IPO11: variants seen among roughly 807,000 people sequenced by gnomAD.
IPO11 encodes importin-11.
IPO11 carries 66 observed loss-of-function variants against 143.2 expected under a neutral mutation model. That is an observed-to-expected ratio of 0.46 (90% CI 0.38 to 0.57). IPO11 has a LOEUF of 0.57. Ranked by LOEUF, IPO11 falls within the 20% of genes least tolerant of loss-of-function variation. IPO11 has a pLI of 0.00. For synonymous variants in IPO11, 385 were observed against 377.8 expected, an observed-to-expected ratio of 1.02 and a Z score of -0.22; for missense variants, 1,026 against 1,141.0, an observed-to-expected ratio of 0.90 and a Z score of 1.45.
intron 24 of IPO11, among the ~76,000 whole-genome samples, chr5:62,550,078 T>A (rs1397610784): frequency 1.3e-5 from 2 of 152,196 alleles, no homozygotes; most frequent in Non-Finnish European, 2.9e-5. Flanking sequence ...AGGGTAAGAA[T>A]TACATTAACT....
At chr5:62,510,622 T>TA (rs1437208358) in intron 19 of IPO11, among the ~76,000 whole-genome samples, 1 of 152,210 alleles carries the variant, frequency 6.6e-6, no homozygotes, top group African/African-American at 2.4e-5. Context: ...CCCATATAGC[T>TA]AGCCTCCCAC....
chr5:62,521,483 T>C (rs1358635577), intron 20 of IPO11, among the ~76,000 whole-genome samples: 6 of 152,176 alleles, frequency 3.9e-5, no homozygotes, highest in African/African-American at 1.4e-4. Context: ...TCCTTCCCTT[T>C]TCTGGCAACT....
chr5:62,434,143 C>T (rs1287408631), intron 1 of IPO11, among the ~76,000 whole-genome samples: 2 of 152,226 alleles, frequency 1.3e-5, no homozygotes, highest in East Asian at 1.9e-4. Context: ...TGTTTCTAAT[C>T]GCAAGGCCTT....
At chr5:62,481,057 A>AG (rs1251215486) in intron 9 of IPO11, among the ~76,000 whole-genome samples, 1 of 151,546 alleles carries the variant, frequency 6.6e-6, no homozygotes, top group East Asian at 1.9e-4. Flanking sequence ...CTGGGACTAC[A>AG]GGCACCCGCC....
chr5:62,486,421 T>C (rs1746408211), intron 12 of IPO11, among the ~76,000 whole-genome samples: 1 of 152,218 alleles, frequency 6.6e-6, no homozygotes, highest in Non-Finnish European at 1.5e-5. Flanking sequence ...ATTTTTTCCT[T>C]CTATATATTT....
chr5:62,500,363 T>C (rs940099384), intron 16 of IPO11, among the ~76,000 whole-genome samples: 1 of 152,232 alleles, frequency 6.6e-6, no homozygotes, highest in Non-Finnish European at 1.5e-5. Flanking sequence ...CAGTTAACTT[T>C]TTTTTTAATT....
chr5:62,533,262 C>T (rs558499552), intron 22 of IPO11, among the ~76,000 whole-genome samples: 13 of 148,674 alleles, frequency 8.7e-5, no homozygotes, highest in African/African-American at 2.2e-4. Flanking sequence ...CCCAGGCTGG[C>T]GTGCAATGGT....
At chr5:62,507,816 A>G (rs1044450006) in intron 19 of IPO11, among the ~76,000 whole-genome samples, 1 of 152,208 alleles carries the variant, frequency 6.6e-6, no homozygotes, top group Non-Finnish European at 1.5e-5. Flanking sequence ...GGCTTAGTAA[A>G]TTTAAAAATG....
intron 20 of IPO11, among the ~76,000 whole-genome samples, chr5:62,516,205 C>G (rs1398169949): frequency 6.6e-6 from 1 of 152,148 alleles, no homozygotes; most frequent in Admixed American, 6.5e-5. Context: ...CTAAAGCTTT[C>G]TAAAATTAGT....
At chr5:62,502,257 G>T (rs1741370468) in intron 16 of IPO11, among the ~76,000 whole-genome samples, 1 of 152,098 alleles carries the variant, frequency 6.6e-6, no homozygotes, top group Non-Finnish European at 1.5e-5. Context: ...TTCAGCTGGG[G>T]TAGGGTAGAC....
intron 29 of IPO11, among the ~76,000 whole-genome samples, chr5:62,625,666 A>G (rs1375977879): frequency 1.3e-5 from 2 of 152,252 alleles, no homozygotes; most frequent in African/African-American, 2.4e-5. Context: ...TCTATATTCT[A>G]GTTGTGATGA....
At chr5:62,530,642 T>G in intron 21 of IPO11, 67 bp from the exon 22 acceptor site, 3 of 917,912 alleles carry the variant, frequency 3.3e-6, no homozygotes, top group Non-Finnish European at 5.3e-6. Flanking sequence ...TTTAAAATAT[T>G]TAAGTCATAT....
At chr5:62,441,579 G>C (rs1270770342) in intron 2 of IPO11, among the ~76,000 whole-genome samples, 4 of 130,908 alleles carry the variant, frequency 3.1e-5, no homozygotes, top group African/African-American at 1.2e-4. Context: ...GCAGTGGTGC[G>C]ATCTCTGCTC....
intron 29 of IPO11, among the ~76,000 whole-genome samples, chr5:62,621,714 T>C (rs970110509): frequency 4.6e-5 from 7 of 152,198 alleles, no homozygotes; most frequent in African/African-American, 1.7e-4. Flanking sequence ...GTTGCTGTTA[T>C]ATGCTAGCAA....
rs767626634 is a variant in IPO11, at chr5:62,515,395, C to T, written c.1790C>T (p.Pro597Leu). 9.4e-6 allele frequency: 15 copies of T among 1,602,336 alleles called. No individual in the cohort carries two copies. In the African/African-American group the frequency reaches 1.9e-4, roughly 20 times the overall value. ...VIERVNMQIRPYVGCLVQYLP... is the reference protein window; with the variant it reads ...VIERVNMQIRLYVGCLVQYLP... ...CTACTTATATTGTAATAGATACGAC[C>T]ATATGTGGGATGTTTGGTACAATAT... Residue 597 changes from proline to leucine, a missense_variant, in exon 20 of 30, where the codon CCA becomes CTA. Around this residue, in one of 5 missense-constraint regions of IPO11, gnomAD observed 237 missense variants for 288.0 expected, o/e 0.82. Coordinates refer to ENST00000325324, the MANE Select transcript of IPO11 (RefSeq NM_016338.5).
intron 20 of IPO11, among the ~76,000 whole-genome samples, chr5:62,524,777 TTAG>T (rs1431699747): frequency 3.3e-5 from 5 of 152,222 alleles, no homozygotes; most frequent in Non-Finnish European, 5.9e-5. Flanking sequence ...ACAATTGAAC[TTAG>T]TAGTATGTGT....
At chr5:62,604,804 GT>G (rs1244534466) in intron 29 of IPO11, among the ~76,000 whole-genome samples, 1 of 152,144 alleles carries the variant, frequency 6.6e-6, no homozygotes, top group Non-Finnish European at 1.5e-5. Flanking sequence ...TACCACAGCA[GT>G]TTTTGACTGA....
At chr5:62,447,689 G>A (rs544311988) in intron 3 of IPO11, among the ~76,000 whole-genome samples, 4 of 151,894 alleles carry the variant, frequency 2.6e-5, no homozygotes, top group African/African-American at 9.7e-5. Context: ...AGGCTCCAGT[G>A]ATCCTCCCAC....
intron 24 of IPO11, among the ~76,000 whole-genome samples, chr5:62,544,982 T>C (rs1406996177): frequency 6.6e-6 from 1 of 152,124 alleles, no homozygotes; most frequent in Non-Finnish European, 1.5e-5. Context: ...TCCATGCTCA[T>C]GGATAGGAAG....
Sources: gnomAD v4.1 joint callset for allele counts (sites outside exome capture counted in the v4.1 genomes callset) on GRCh38, gnomAD v4.1.1 for gene constraint, gnomAD v4.1.1 regional missense constraint, MANE v1.5 for transcripts, NCBI Gene and HGNC (gene_info 2026-07-23, HGNC 2026-07-21) for gene names.